The following KSR2 variants were observed in gnomAD, a reference collection of about 807,000 sequenced individuals.
KSR2 encodes the protein kinase suppressor of ras 2.
A neutral mutation model predicts 107.8 loss-of-function variants in KSR2; 25 were observed. The ratio of observed to expected loss-of-function variants is 0.23; its 90% CI spans 0.17 to 0.32. KSR2 has a LOEUF of 0.32. Ranked by LOEUF, KSR2 falls within the 10% of genes least tolerant of loss-of-function variation. The probability of loss-of-function intolerance (pLI) is 1.00; values close to 1 mark genes in which losing one functional copy is unlikely to be tolerated. For missense variants in KSR2, 887 were observed against 1,268.9 expected (o/e 0.70, Z 4.57); for synonymous variants, 480 against 507.0 (o/e 0.95, Z 0.71).
chr12:117,694,240 G>A (rs1022869934), intron 4 of KSR2, among the ~76,000 whole-genome samples: 1 of 152,154 alleles, frequency 6.6e-6, no homozygotes, highest in Non-Finnish European at 1.5e-5. Flanking sequence ...ACAGGTCAAG[G>A]GCAGGGCCAG....
At chr12:117,883,730 G>A (rs1894092387) in intron 1 of KSR2, among the ~76,000 whole-genome samples, 1 of 152,044 alleles carries the variant, frequency 6.6e-6, no homozygotes, top group South Asian at 2.1e-4. Flanking sequence ...ACAAAAATTA[G>A]CTGGATGTGG....
chr12:117,916,798 C>CA (rs1895189432), intron 1 of KSR2, among the ~76,000 whole-genome samples: 1 of 152,252 alleles, frequency 6.6e-6, no homozygotes, highest in African/African-American at 2.4e-5. Context: ...ATTCAAGTTT[C>CA]AACGCACCAT....
rs759709381 is a variant in KSR2 at position 117,579,154 on chromosome 12, T to C, written c.1290A>G (p.Lys430=). 1 of 1,613,770 alleles carries C rather than the reference T, an allele frequency of 6.2e-7. No homozygotes were observed. The highest frequency in any genetic ancestry group is 8.5e-7 in the Non-Finnish European group (1 of 1,179,826). ...TACACTTGAGGCCAAAAAGCATCCCTTTCCCACAGACTGTGCACGTCTGAG... is the reference window on the plus strand; with the variant it reads ...TACACTTGAGGCCAAAAAGCATCCCCTTCCCACAGACTGTGCACGTCTGAG... ...WMSQTCTVCG[K]GMLFGLKCKN... is the part of the protein sequence containing the mutation. Residue 430 remains lysine (K), a synonymous_variant, in exon 7 of 20, where the codon AAA becomes AAG. Coordinates refer to ENST00000339824, the MANE Select transcript of KSR2 (RefSeq NM_173598.6).
At chr12:117,719,542 A>C (rs1887126745) in intron 4 of KSR2, among the ~76,000 whole-genome samples, 1 of 152,166 alleles carries the variant, frequency 6.6e-6, no homozygotes, top group Non-Finnish European at 1.5e-5. Flanking sequence ...AGCTAGAAAG[A>C]AGGAGTGGCT....
intron 5 of KSR2, among the ~76,000 whole-genome samples, chr12:117,663,699 G>C (rs1375841572): frequency 1.3e-5 from 2 of 152,184 alleles, no homozygotes; most frequent in African/African-American, 2.4e-5. Flanking sequence ...TAAACCCGAA[G>C]TCACTTCTAC....
intron 4 of KSR2, among the ~76,000 whole-genome samples, chr12:117,694,373 C>T (rs895644997): frequency 6.6e-6 from 1 of 152,176 alleles, no homozygotes; most frequent in Non-Finnish European, 1.5e-5. Context: ...CTCTTGCCTG[C>T]CACCATGTAA....
intron 1 of KSR2, among the ~76,000 whole-genome samples, chr12:117,909,053 A>T (rs375147705): frequency 6.6e-6 from 1 of 152,180 alleles, no homozygotes. Flanking sequence ...ACTCAAACTT[A>T]GTTTTTATTC....
At chr12:117,520,863 A>G (rs816191) in intron 14 of KSR2, among the ~76,000 whole-genome samples, 117,798 of 151,488 alleles carry the variant, frequency 0.78, 45,928 homozygotes, top group East Asian at 0.96. Context: ...CAATGTCTCG[A>G]GGGCATTTTG....
chr12:117,962,212 A>G (rs11616110), intron 1 of KSR2, among the ~76,000 whole-genome samples: 12 of 148,746 alleles, frequency 8.1e-5, no homozygotes, highest in Admixed American at 1.3e-4. Context: ...TACTTGTTCA[A>G]CCTCAACTCC....
intron 1 of KSR2, among the ~76,000 whole-genome samples, chr12:117,962,089 G>A (rs1461840727): frequency 6.8e-6 from 1 of 147,542 alleles, no homozygotes; most frequent in Non-Finnish European, 1.5e-5. Flanking sequence ...AGGCTGCAGT[G>A]AGCTATGATG....
intron 3 of KSR2, among the ~76,000 whole-genome samples, chr12:117,833,697 A>G (rs1373312519): frequency 1.3e-5 from 2 of 152,046 alleles, no homozygotes. Context: ...CTCTTTTTCC[A>G]CATTCAGTGG....
intron 7 of KSR2, 47 bp from the exon 8 acceptor site, chr12:117,558,620 T>C (rs752800954): frequency 1.3e-6 from 2 of 1,484,888 alleles, no homozygotes; most frequent in South Asian, 1.1e-5. Context: ...AATGGCTGAG[T>C]GAGCGGGTAG....
intron 3 of KSR2, among the ~76,000 whole-genome samples, chr12:117,835,652 T>G (rs1236331458): frequency 6.6e-6 from 1 of 152,070 alleles, no homozygotes; most frequent in African/African-American, 2.4e-5. Flanking sequence ...TTTGACAGTG[T>G]CTGTAGGCAT....
chr12:117,918,768 A>G (rs1044442894), intron 1 of KSR2, among the ~76,000 whole-genome samples: 2 of 150,330 alleles, frequency 1.3e-5, no homozygotes, highest in African/African-American at 4.9e-5. Context: ...AGCCTGGGCA[A>G]CAAGGGCGAA....
At chr12:117,595,060 C>T (rs1291498385) in intron 5 of KSR2, among the ~76,000 whole-genome samples, 1 of 152,164 alleles carries the variant, frequency 6.6e-6, no homozygotes, top group East Asian at 1.9e-4. Context: ...GCTCAGTCAC[C>T]ATGAAAGGAG....
intron 3 of KSR2, among the ~76,000 whole-genome samples, chr12:117,837,343 T>A (rs1015534017): frequency 1.3e-5 from 2 of 152,224 alleles, no homozygotes; most frequent in African/African-American, 4.8e-5. Context: ...AGTTTCTACA[T>A]TACTATGCAT....
At chr12:117,774,415 G>T (rs948444578) in intron 3 of KSR2, among the ~76,000 whole-genome samples, 4 of 152,116 alleles carry the variant, frequency 2.6e-5, no homozygotes, top group Non-Finnish European at 4.4e-5. Context: ...CCTGGGTCTC[G>T]TTGGGCACTA....
chr12:117,911,688 G>A (rs983683731), intron 1 of KSR2, among the ~76,000 whole-genome samples: 2 of 151,926 alleles, frequency 1.3e-5, no homozygotes, highest in African/African-American at 2.4e-5. Context: ...AACTCCTTGA[G>A]GGCAAGACCC....
intron 1 of KSR2, among the ~76,000 whole-genome samples, chr12:117,945,316 T>TA (rs1408733215): frequency 2.6e-5 from 4 of 152,150 alleles, no homozygotes; most frequent in African/African-American, 9.7e-5. Context: ...TATCCTGAGT[T>TA]AAAAAAGAAA....
Sources: gnomAD v4.1 joint callset for allele counts (sites outside exome capture counted in the v4.1 genomes callset) on GRCh38, gnomAD v4.1.1 for gene constraint, MANE v1.5 for transcripts, NCBI Gene and HGNC (gene_info 2026-07-23, HGNC 2026-07-21) for gene names.